GTF2A1L: variants seen among roughly 807,000 people sequenced by gnomAD.
GTF2A1L encodes general transcription factor IIA subunit 1 like.
In GTF2A1L, 48 loss-of-function variants were observed where a neutral mutation model predicts 49.7. That is an observed-to-expected ratio of 0.97 (90% CI 0.77 to 1.23). The LOEUF (loss-of-function observed/expected upper bound fraction) is 1.23. GTF2A1L is among the 50% of genes most tolerant of loss of function. GTF2A1L has a pLI of 0.00. For synonymous variants in GTF2A1L, 246 were observed against 193.5 expected, an observed-to-expected ratio of 1.27 and a Z score of -2.25; for missense variants, 736 against 564.8, an observed-to-expected ratio of 1.30 and a Z score of -3.07.
intron 6 of GTF2A1L, among the ~76,000 whole-genome samples, chr2:48,667,133 A>AT (rs1678894007): frequency 8.8e-6 from 1 of 114,026 alleles, no homozygotes; most frequent in African/African-American, 3.2e-5. Context: ...TTTTTTTTGT[A>AT]TTTTTTGTAG....
At chr2:48,649,246 T>TA (rs1167126704) in intron 6 of GTF2A1L, among the ~76,000 whole-genome samples, 2 of 152,228 alleles carry the variant, frequency 1.3e-5, no homozygotes, top group African/African-American at 4.8e-5. Context: ...GTCGATATCG[T>TA]AGCATGTGTC....
chr2:48,671,283 G>A (rs1179037266), intron 7 of GTF2A1L, among the ~76,000 whole-genome samples: 4 of 152,192 alleles, frequency 2.6e-5, no homozygotes, highest in Non-Finnish European at 5.9e-5. Context: ...GCTCACTGCA[G>A]CCTCAACTTA....
At chr2:48,641,124 A>G (rs1170527908) in intron 3 of GTF2A1L, among the ~76,000 whole-genome samples, 1 of 152,192 alleles carries the variant, frequency 6.6e-6, no homozygotes, top group East Asian at 1.9e-4. Flanking sequence ...ATTGCTTTAG[A>G]CAATGTGTTA....
intron 3 of GTF2A1L, chr2:48,632,560 T>A (rs1190468879): frequency 6.5e-6 from 1 of 152,866 alleles, no homozygotes; most frequent in Non-Finnish European, 1.5e-5. Context: ...TTTTTTTATT[T>A]TTAGTAGAGA....
At chr2:48,652,499 C>G (rs1677908198) in intron 6 of GTF2A1L, among the ~76,000 whole-genome samples, 1 of 151,094 alleles carries the variant, frequency 6.6e-6, no homozygotes, top group Non-Finnish European at 1.5e-5. Context: ...ACCTGTAATC[C>G]CAGCTACTCG....
chr2:48,667,258 C>G (rs796652968), intron 6 of GTF2A1L, among the ~76,000 whole-genome samples: 2 of 152,054 alleles, frequency 1.3e-5, no homozygotes, highest in Non-Finnish European at 1.5e-5. Context: ...CATGCCCAGC[C>G]TCATTAATTT....
At chr2:48,652,212 A>C (rs745832274) in intron 6 of GTF2A1L, among the ~76,000 whole-genome samples, 1 of 152,216 alleles carries the variant, frequency 6.6e-6, no homozygotes, top group African/African-American at 2.4e-5. Flanking sequence ...TGGAATCTTC[A>C]GTATTCCTTT....
chr2:48,640,997 A>G (rs1677167985), intron 3 of GTF2A1L, among the ~76,000 whole-genome samples: 1 of 152,204 alleles, frequency 6.6e-6, no homozygotes, highest in Non-Finnish European at 1.5e-5. Flanking sequence ...GAAACTTTAA[A>G]AACTCTCTTA....
chr2:48,660,364 A>T (rs1678421950), intron 6 of GTF2A1L, among the ~76,000 whole-genome samples: 1 of 151,854 alleles, frequency 6.6e-6, no homozygotes, highest in African/African-American at 2.4e-5. Context: ...TTCATCTTTA[A>T]ATGTTTGGTA....
chr2:48,640,408 G>C (rs375887424), intron 3 of GTF2A1L, among the ~76,000 whole-genome samples: 3 of 152,116 alleles, frequency 2.0e-5, no homozygotes, highest in Non-Finnish European at 4.4e-5. Flanking sequence ...GATGGAGCTG[G>C]AGGCTATTAT....
intron 2 of GTF2A1L, 49 bp from the exon 3 acceptor site, chr2:48,621,118 A>C: frequency 6.4e-7 from 1 of 1,571,978 alleles, no homozygotes; most frequent in Non-Finnish European, 8.6e-7. Flanking sequence ...AAGTATCATT[A>C]TATGTGTATA....
chr2:48,675,779 AT>A (rs1403193481), intron 8 of GTF2A1L, among the ~76,000 whole-genome samples: 1 of 151,884 alleles, frequency 6.6e-6, no homozygotes, highest in East Asian at 1.9e-4. Context: ...CTTAGATGCT[AT>A]ACAATGATTA....
chr2:48,652,945 T>G (rs1175930335), intron 6 of GTF2A1L, among the ~76,000 whole-genome samples: 1 of 151,546 alleles, frequency 6.6e-6, no homozygotes, highest in Non-Finnish European at 1.5e-5. Flanking sequence ...TAACTCAAAT[T>G]TAGGCCGGGC....
At chr2:48,650,895 T>C (rs1158844444) in intron 6 of GTF2A1L, among the ~76,000 whole-genome samples, 1 of 152,142 alleles carries the variant, frequency 6.6e-6, no homozygotes, top group Non-Finnish European at 1.5e-5. Flanking sequence ...GACCACTGAA[T>C]TTGATATAGT....
intron 3 of GTF2A1L, among the ~76,000 whole-genome samples, chr2:48,622,623 C>A (rs1676067955): frequency 6.6e-6 from 1 of 152,066 alleles, no homozygotes; most frequent in Admixed American, 6.5e-5. Context: ...GAGTTCTAGA[C>A]CAGCCTGGCC....
chr2:48,671,918 T>C (rs1679189425), intron 8 of GTF2A1L, among the ~76,000 whole-genome samples: 3 of 152,226 alleles, frequency 2.0e-5, no homozygotes, highest in Non-Finnish European at 2.9e-5. Flanking sequence ...AAGATGTTTC[T>C]TTTGGAAAAC....
Position 48,642,436 on chromosome 2 carries a change from A to T in GTF2A1L, c.282A>T (p.Pro94=), listed in dbSNP as rs772893067. The change falls in exon 4 of 9, where the codon CCA becomes CCT. Residue 94 remains proline (P), a synonymous_variant. Coordinates refer to ENST00000403751, the MANE Select transcript of GTF2A1L (RefSeq NM_006872.5). ...SLVIPAGRTL[P]SFTTAELGTS... The stretch of plus-strand genomic sequence containing the variant: ...TTATTCCTGCTGGTAGAACTCTTCC[A>T]AGTTTTACCACAGCAGAACTGGTAT... The T allele has an allele frequency of 6.3e-7, 1 of 1,593,856 alleles. No homozygotes were observed. The highest frequency in any genetic ancestry group is 2.2e-5 in the East Asian group (1 of 44,590).
chr2:48,657,785 A>G (rs979416675), intron 6 of GTF2A1L, among the ~76,000 whole-genome samples: 7 of 150,806 alleles, frequency 4.6e-5, no homozygotes, highest in African/African-American at 1.7e-4. Context: ...TGACTTTTTA[A>G]TAATATCCAT....
At chr2:48,650,614 A>G (rs1433435212) in intron 6 of GTF2A1L, among the ~76,000 whole-genome samples, 1 of 152,174 alleles carries the variant, frequency 6.6e-6, no homozygotes, top group Non-Finnish European at 1.5e-5. Flanking sequence ...GAGTCTCTAT[A>G]TGCCATTGTG....
Sources: allele counts gnomAD v4.1 joint callset (sites outside exome capture counted in the v4.1 genomes callset), GRCh38; gene constraint gnomAD v4.1.1; transcripts MANE v1.5; gene names NCBI Gene and HGNC (gene_info 2026-07-23, HGNC 2026-07-21).